LRIG1: variants seen among roughly 807,000 people sequenced by gnomAD.
LRIG1 encodes the protein leucine-rich repeats and immunoglobulin-like domains protein 1.
Under a neutral mutation model 99.2 loss-of-function variants are expected in LRIG1, and 48 were observed. That is an observed-to-expected ratio of 0.48 (90% CI 0.38 to 0.62). The LOEUF is 0.62. LRIG1 is among the 20% of genes least tolerant of loss of function. LRIG1 has a pLI of 0.00. For synonymous variants in LRIG1, 772 were observed against 596.1 expected (o/e 1.29, Z -4.30); for missense variants, 1,646 against 1,434.4 (o/e 1.15, Z -2.38).
intron 3 of LRIG1, among the ~76,000 whole-genome samples, chr3:66,451,264 C>T (rs1703895095): frequency 6.6e-6 from 1 of 151,506 alleles, no homozygotes; most frequent in African/African-American, 2.4e-5. Flanking sequence ...TGCAGCTTAA[C>T]CAACCACAGA....
chr3:66,385,239 CTG>C (rs1436207114), intron 13 of LRIG1, among the ~76,000 whole-genome samples: 6 of 152,252 alleles, frequency 3.9e-5, no homozygotes, highest in African/African-American at 9.6e-5. Context: ...TGCCAGGACA[CTG>C]TGTCTTTCAG....
rs1311103541 is a variant in LRIG1, at chr3:66,415,082, G to T, written c.504-19C>A. 6.3e-7 allele frequency: 1 copy of T among 1,582,868 alleles called. No homozygotes were observed. Among genetic ancestry groups the T allele is most frequent in the Non-Finnish European group, 8.6e-7 (1 of 1,165,866 alleles). The stretch of plus-strand genomic sequence containing the variant: ...CAGGTTGCTGGAATGATTCAGAAAA[G>T]AAAATGTGGTGGTTGGTCAAAGGCC... On this transcript the variant is annotated intron_variant, in intron 4 of 18. Transcript: ENST00000273261.
At chr3:66,475,918 G>A (rs901802820) in intron 1 of LRIG1, among the ~76,000 whole-genome samples, 3 of 152,152 alleles carry the variant, frequency 2.0e-5, no homozygotes, top group Admixed American at 1.3e-4. Flanking sequence ...AGTTATTCAC[G>A]TAATTCGCCA....
At chr3:66,451,201 C>T (rs1402251817) in intron 3 of LRIG1, among the ~76,000 whole-genome samples, 7 of 152,046 alleles carry the variant, frequency 4.6e-5, no homozygotes, top group African/African-American at 1.7e-4. Context: ...CAAAGATTAG[C>T]TTGCTGTCTT....
At chr3:66,411,534 C>G (rs1029369232) in intron 6 of LRIG1, among the ~76,000 whole-genome samples, 1 of 152,062 alleles carries the variant, frequency 6.6e-6, no homozygotes, top group East Asian at 1.9e-4. Context: ...ATATGTAAAA[C>G]AAAGGGTGGA....
intron 3 of LRIG1, among the ~76,000 whole-genome samples, chr3:66,429,959 C>T (rs754872604): frequency 1.3e-5 from 2 of 152,140 alleles, no homozygotes; most frequent in African/African-American, 4.8e-5. Flanking sequence ...CCTGCAGTCT[C>T]GACTGGGTAG....
intron 3 of LRIG1, among the ~76,000 whole-genome samples, chr3:66,435,782 T>C (rs1402947206): frequency 1.4e-4 from 2 of 14,074 alleles, no homozygotes; most frequent in Non-Finnish European, 9.1e-4. Flanking sequence ...CCCATATTAC[T>C]TTTTTTTTTT....
intron 12 of LRIG1, among the ~76,000 whole-genome samples, chr3:66,388,330 A>G (rs141078656): frequency 2.6e-4 from 39 of 152,218 alleles, no homozygotes; most frequent in African/African-American, 8.7e-4. Context: ...AGAAACAAAG[A>G]AAAAAGAATG....
At position 66,414,935 on chromosome 3, in the gene LRIG1, G is replaced by C; in HGVS notation, c.632C>G (p.Pro211Arg). ...TQLPVRAFKL[P>R]RLTQLDLNRN... Reference sequence around the variant, plus strand: ...CTGTACTCACAGTTGTGTCAGCCTGGGTAGCTTGAATGCTCTTACAGGAAG... The same window carrying C: ...CTGTACTCACAGTTGTGTCAGCCTGCGTAGCTTGAATGCTCTTACAGGAAG... The change falls in exon 5 of 19, where the codon CCC (proline) becomes CGC (arginine). Residue 211 changes from proline to arginine, a missense_variant. Pro to Arg is a moderately radical substitution (Grantham distance 103, BLOSUM62 -2). Coordinates refer to ENST00000273261, the MANE Select transcript of LRIG1 (RefSeq NM_015541.3). 6.2e-7 allele frequency: 1 copy of C among 1,607,104 alleles called. No individual in the cohort carries two copies.
chr3:66,381,442 C>T (rs752586985), intron 17 of LRIG1, 37 bp downstream of exon 17: 1 of 1,594,176 alleles, frequency 6.3e-7, no homozygotes, highest in East Asian at 2.3e-5. Flanking sequence ...ATTTCCATTT[C>T]AGAAAGAAAC....
chr3:66,481,518 T>C (rs1479667382), intron 1 of LRIG1, among the ~76,000 whole-genome samples: 3 of 146,690 alleles, frequency 2.0e-5, no homozygotes, highest in Admixed American at 6.6e-5. Context: ...GGAGGGTTTA[T>C]GTACACACAC....
chr3:66,384,081 C>T lies in LRIG1; in HGVS notation c.1981G>A (p.Asp661Asn), dbSNP rs1327077704. The change falls in exon 14 of 19, where the codon GAT becomes AAT. Residue 661 changes from aspartate to asparagine, a missense_variant. Asp to Asn is a conservative substitution (Grantham distance 23). Coordinates refer to ENST00000273261, the MANE Select transcript of LRIG1 (RefSeq NM_015541.3). ...ACCCCTGCGTCATCTATTTTCACAT[C>T]AGTGATGAAAAACACGTCGTCATCC... ...MPDDDVFFIT[D>N]VKIDDAGVYS... The T allele has an allele frequency of 6.2e-7, 1 of 1,614,158 alleles. No individual in the cohort carries two copies. The highest frequency in any genetic ancestry group is 1.3e-5 in the African/African-American group (1 of 75,024).
chr3:66,472,986 C>T (rs1394362030), intron 1 of LRIG1, among the ~76,000 whole-genome samples: 1 of 151,854 alleles, frequency 6.6e-6, no homozygotes. Flanking sequence ...AAATGTATGT[C>T]AGAAGATTAA....
intron 3 of LRIG1, among the ~76,000 whole-genome samples, chr3:66,444,185 C>T (rs1227375545): frequency 6.6e-6 from 1 of 152,234 alleles, no homozygotes. Context: ...TAACAGGGCT[C>T]CTGCCACGTT....
intron 3 of LRIG1, among the ~76,000 whole-genome samples, chr3:66,433,547 G>C (rs1178308196): frequency 6.6e-6 from 1 of 152,204 alleles, no homozygotes; most frequent in Non-Finnish European, 1.5e-5. Flanking sequence ...TCCTCCTCTG[G>C]GGAGGGATAC....
chr3:66,398,166 G>A lies in LRIG1; in HGVS notation c.1250C>T (p.Ala417Val), dbSNP rs748884669. 19 of 1,613,478 alleles carry A rather than the reference G, an allele frequency of 1.2e-5. No homozygotes were observed. The highest frequency in any genetic ancestry group is 6.7e-5 in the African/African-American group (5 of 74,884). ...GLEHLNLGGN[A>V]IRSVQFDAFV... ...GGCATCAAACTGGACAGATCTGATC[G>A]CATTCCCTCCAAGGTTCCTGAAACA... The change falls in exon 11 of 19, where the codon GCG becomes GTG. Residue 417 changes from alanine (A) to valine (V), a missense_variant. Physicochemically the swap from Ala to Val is moderately conservative, Grantham distance 64. Coordinates refer to ENST00000273261, the MANE Select transcript of LRIG1 (RefSeq NM_015541.3).
chr3:66,468,645 C>T (rs1441918967), intron 1 of LRIG1, among the ~76,000 whole-genome samples: 2 of 152,148 alleles, frequency 1.3e-5, no homozygotes, highest in African/African-American at 2.4e-5. Flanking sequence ...GCCTGGGAGC[C>T]GTGGGCTCTG....
At chr3:66,415,376 C>G (rs1434301062) in intron 4 of LRIG1, among the ~76,000 whole-genome samples, 1 of 152,180 alleles carries the variant, frequency 6.6e-6, no homozygotes, top group Non-Finnish European at 1.5e-5. Context: ...CACACCAGCC[C>G]TGCGTCAGGA....
chr3:66,419,452 G>A (rs1037484807), intron 3 of LRIG1, among the ~76,000 whole-genome samples: 2 of 152,182 alleles, frequency 1.3e-5, no homozygotes, highest in African/African-American at 4.8e-5. Context: ...TGGGAGACAA[G>A]GGTGTGTGGG....
Sources: allele counts gnomAD v4.1 joint callset (sites outside exome capture counted in the v4.1 genomes callset), GRCh38; gene constraint gnomAD v4.1.1; transcripts MANE v1.5; gene names NCBI Gene and HGNC (gene_info 2026-07-23, HGNC 2026-07-21).